VEZT: variants seen among roughly 807,000 people sequenced by gnomAD.
VEZT encodes the protein vezatin.
VEZT carries 39 observed loss-of-function variants against 79.9 expected under a neutral mutation model. That is an observed-to-expected ratio of 0.49 (90% CI 0.38 to 0.64). The LOEUF (loss-of-function observed/expected upper bound fraction) is 0.64. Among genes scored for constraint, VEZT ranks in the 30% least tolerant of loss-of-function variants. The pLI, the probability that VEZT is intolerant of heterozygous loss-of-function variation, is 0.00. For missense variants in VEZT, 837 were observed against 893.1 expected, an observed-to-expected ratio of 0.94 and a Z score of 0.80; for synonymous variants, 325 against 327.6, an observed-to-expected ratio of 0.99 and a Z score of 0.09.
At chr12:95,222,019 G>A (rs1479866304) in intron 1 of VEZT, among the ~76,000 whole-genome samples, 2 of 152,016 alleles carry the variant, frequency 1.3e-5, no homozygotes, top group African/African-American at 4.8e-5. Flanking sequence ...TTTATATAAG[G>A]GACTTGAGCA....
intron 1 of VEZT, among the ~76,000 whole-genome samples, chr12:95,235,437 G>A (rs1426282656): frequency 1.5e-5 from 2 of 133,162 alleles, no homozygotes; most frequent in Non-Finnish European, 3.2e-5. Flanking sequence ...CCTCCCTCCC[G>A]GACGGGGCGG....
chr12:95,290,087 A>G (rs1211808827), intron 9 of VEZT, among the ~76,000 whole-genome samples: 1 of 152,186 alleles, frequency 6.6e-6, no homozygotes, highest in East Asian at 1.9e-4. Flanking sequence ...TTATCCACAG[A>G]ACCCATTCAA....
At chr12:95,273,371 G>A (rs182359820) in intron 6 of VEZT, among the ~76,000 whole-genome samples, 30 of 152,226 alleles carry the variant, frequency 2.0e-4, no homozygotes, top group Non-Finnish European at 5.9e-5. Flanking sequence ...ATATACCTAC[G>A]TATCTCCAGA....
intron 1 of VEZT, among the ~76,000 whole-genome samples, chr12:95,245,940 T>C (rs1000355463): frequency 6.6e-6 from 1 of 152,070 alleles, no homozygotes; most frequent in Non-Finnish European, 1.5e-5. Context: ...GATCGTGCCA[T>C]TGCACTCCAG....
At chr12:95,240,471 C>A (rs376634068) in intron 1 of VEZT, among the ~76,000 whole-genome samples, 2 of 152,070 alleles carry the variant, frequency 1.3e-5, no homozygotes, top group African/African-American at 2.4e-5. Context: ...AAATTTAAGG[C>A]TCTACTGGAG....
chr12:95,279,504 A>C (rs1209934629), intron 7 of VEZT, among the ~76,000 whole-genome samples: 1 of 152,236 alleles, frequency 6.6e-6, no homozygotes, highest in Non-Finnish European at 1.5e-5. Context: ...CCTTATCCAG[A>C]GGAGCTTTCC....
At chr12:95,286,794 C>T (rs2071013689) in intron 8 of VEZT, 4 of 470,416 alleles carry the variant, frequency 8.5e-6, no homozygotes, top group South Asian at 3.3e-5. Context: ...CTTTTCCATT[C>T]TGTTTCTTTC....
chr12:95,234,098 T>C (rs1251056278), intron 1 of VEZT, among the ~76,000 whole-genome samples: 1 of 152,212 alleles, frequency 6.6e-6, no homozygotes, highest in African/African-American at 2.4e-5. Flanking sequence ...CAATTTGCAT[T>C]TCTTCAAAGG....
chr12:95,282,272 A>G lies in VEZT; in HGVS notation c.997-41A>G, dbSNP rs1317801184. The G allele has an allele frequency of 6.2e-6, 9 of 1,461,248 alleles. No homozygotes were observed. In the East Asian group the frequency reaches 1.9e-4, roughly 31 times the overall value. 90.5% of individuals were successfully genotyped at this position (1,461,248 alleles called of 1,614,324 possible). A position where few individuals can be genotyped will look rare whatever the true frequency, so the allele number is the denominator to read the frequency against. The stretch of plus-strand genomic sequence containing the variant: ...TATAGTTTGTTTTGAACACTGACCA[A>G]TATTTTTATTGATCTAGTTCTTTTT... On this transcript the variant is annotated intron_variant, in intron 7 of 11. Coordinates refer to ENST00000436874, the MANE Select transcript of VEZT (RefSeq NM_017599.4).
intron 10 of VEZT, 25 bp downstream of exon 10, chr12:95,294,397 T>TC: frequency 6.6e-7 from 1 of 1,525,634 alleles, no homozygotes. Flanking sequence ...TACTGTTCTT[T>TC]CCCTTGTTGG....
At chr12:95,219,530 A>C (rs973990720) in intron 1 of VEZT, among the ~76,000 whole-genome samples, 1 of 152,192 alleles carries the variant, frequency 6.6e-6, no homozygotes, top group Non-Finnish European at 1.5e-5. Flanking sequence ...TTTCCCATTC[A>C]TCATTCTCTG....
intron 1 of VEZT, among the ~76,000 whole-genome samples, chr12:95,249,587 C>T (rs2062201291): frequency 6.6e-6 from 1 of 152,138 alleles, no homozygotes; most frequent in Non-Finnish European, 1.5e-5. Flanking sequence ...GACTCAATTC[C>T]TGTTCTCTCA....
rs1342758992 is a variant in VEZT, at chr12:95,274,883, A to G, written c.990A>G (p.Ala330=). The G allele has an allele frequency of 4.3e-6, 7 of 1,612,796 alleles. No individual in the cohort carries two copies. Among genetic ancestry groups the G allele is most frequent in the Admixed American group, 1.7e-5 (1 of 59,706 alleles). The part of the protein sequence containing the change: ...HNFTDGFSLP[A]LKVLFQLWVA... ...TTACAGATGGCTTCAGCCTGCCTGC[A>G]TTGAAGGTAATCCATTTGTGTAAGG... Residue 330 remains alanine, a synonymous_variant, in exon 7 of 12, where the codon GCA becomes GCG. Coordinates refer to ENST00000436874, the MANE Select transcript of VEZT (RefSeq NM_017599.4).
At chr12:95,276,600 A>G (rs2067834814) in intron 7 of VEZT, among the ~76,000 whole-genome samples, 1 of 151,902 alleles carries the variant, frequency 6.6e-6, no homozygotes, top group Non-Finnish European at 1.5e-5. Context: ...ATTGATCCAA[A>G]TGTCTTAAGT....
intron 3 of VEZT, among the ~76,000 whole-genome samples, chr12:95,260,038 G>A (rs919496093): frequency 4.1e-5 from 6 of 147,942 alleles, no homozygotes; most frequent in Admixed American, 3.4e-4. Context: ...TATTTGGAGT[G>A]TCTTGGTGCC....
intron 3 of VEZT, 84 bp downstream of exon 3, chr12:95,257,323 C>A: frequency 9.2e-7 from 1 of 1,082,438 alleles, no homozygotes; most frequent in Non-Finnish European, 1.3e-6. Context: ...GTTTTGCTAT[C>A]AATTTGGCCA....
At chr12:95,271,697 C>T (rs2066637740) in intron 6 of VEZT, among the ~76,000 whole-genome samples, 1 of 152,192 alleles carries the variant, frequency 6.6e-6, no homozygotes. Context: ...ACATAATAGA[C>T]ATGATCCCTG....
intron 7 of VEZT, among the ~76,000 whole-genome samples, chr12:95,280,887 T>C (rs1174557311): frequency 6.6e-6 from 1 of 152,152 alleles, no homozygotes; most frequent in African/African-American, 2.4e-5. Context: ...CAAGAATCCC[T>C]AGATATCACA....
intron 1 of VEZT, among the ~76,000 whole-genome samples, chr12:95,247,694 G>C (rs2061913954): frequency 6.6e-6 from 1 of 152,064 alleles, no homozygotes; most frequent in South Asian, 2.1e-4. Context: ...CTACTGGTTA[G>C]GATATGGTTT....
Sources: allele counts gnomAD v4.1 joint callset (sites outside exome capture counted in the v4.1 genomes callset), GRCh38; gene constraint gnomAD v4.1.1; transcripts MANE v1.5; gene names NCBI Gene and HGNC (gene_info 2026-07-23, HGNC 2026-07-21).